Variants in RARB observed in about 807,000 individuals in gnomAD.
The protein encoded by RARB is HBV-activated protein.
In RARB, 17 loss-of-function variants were observed where a neutral mutation model predicts 51.9. The observed-to-expected ratio is 0.33, with a 90% CI of 0.22 to 0.49. The LOEUF (loss-of-function observed/expected upper bound fraction) is 0.49, where lower values mean the gene tolerates loss of function less well. RARB is among the 20% of genes least tolerant of loss of function. The probability of loss-of-function intolerance (pLI) is 0.99; values close to 1 mark genes in which losing one functional copy is unlikely to be tolerated. For missense variants in RARB, 369 were observed against 550.8 expected (o/e 0.67, Z 3.30); for synonymous variants, 215 against 195.4 (o/e 1.10, Z -0.84).
intron 5 of RARB, among the ~76,000 whole-genome samples, chr3:25,325,644 T>A (rs1191856853): frequency 6.6e-6 from 1 of 152,074 alleles, no homozygotes; most frequent in Non-Finnish European, 1.5e-5. Context: ...ACTGCAGTGC[T>A]TACTCGTGCT....
chr3:25,276,397 C>T (rs1021928365), intron 5 of RARB, among the ~76,000 whole-genome samples: 4 of 151,926 alleles, frequency 2.6e-5, no homozygotes, highest in Non-Finnish European at 5.9e-5. Context: ...AAGCATCACA[C>T]GATACTCAAT....
intron 3 of RARB, among the ~76,000 whole-genome samples, chr3:25,069,045 G>T (rs932458113): frequency 5.3e-5 from 8 of 151,204 alleles, no homozygotes; most frequent in Admixed American, 5.3e-4. Flanking sequence ...ACCTCATGAA[G>T]TCAAGACCTC....
chr3:24,964,322 C>T (rs1387817844), intron 2 of RARB, among the ~76,000 whole-genome samples: 2 of 152,100 alleles, frequency 1.3e-5, no homozygotes, highest in African/African-American at 4.8e-5. Context: ...GGAATCTGTT[C>T]ATTGCTAACC....
intron 2 of RARB, among the ~76,000 whole-genome samples, chr3:24,884,555 G>T (rs1575053335): frequency 6.6e-6 from 1 of 152,160 alleles, no homozygotes; most frequent in Admixed American, 6.5e-5. Flanking sequence ...GTAGATTTTG[G>T]CTGGATTTTT....
intron 2 of RARB, among the ~76,000 whole-genome samples, chr3:24,991,292 A>G (rs1696904012): frequency 6.6e-6 from 1 of 152,156 alleles, no homozygotes; most frequent in Non-Finnish European, 1.5e-5. Flanking sequence ...AATACAAAAC[A>G]ATTAGCCAGG....
chr3:25,451,881 T>A (rs887395405), intron 1 of RARB, among the ~76,000 whole-genome samples: 4 of 152,254 alleles, frequency 2.6e-5, no homozygotes, highest in Non-Finnish European at 5.9e-5. Flanking sequence ...TTCGATCAGA[T>A]AAAATAATGT....
intron 3 of RARB, among the ~76,000 whole-genome samples, chr3:25,084,234 G>T (rs1230288286): frequency 6.6e-6 from 1 of 152,056 alleles, no homozygotes; most frequent in Non-Finnish European, 1.5e-5. Flanking sequence ...CCTCTTCTCT[G>T]TGCCACAGTT....
intron 2 of RARB, among the ~76,000 whole-genome samples, chr3:24,889,450 G>A (rs1402807126): frequency 6.6e-6 from 1 of 152,080 alleles, no homozygotes; most frequent in Non-Finnish European, 1.5e-5. Flanking sequence ...TTGTAAAAAG[G>A]AAGAACATCA....
In RARB at chr3:25,460,075, A is replaced by G. The variant is rs558621439; in HGVS notation, c.158-1118A>G. ...GAGGATTATTATTTTTTTAATCTAGAATAAAGAGTAACATGACTTAAAAGT... is the reference window on the plus strand; with the variant it reads ...GAGGATTATTATTTTTTTAATCTAGGATAAAGAGTAACATGACTTAAAAGT... On this transcript the variant is annotated intron_variant, in intron 1 of 7. Transcript: ENST00000330688. 3.0e-4 allele frequency among the ~76,000 whole-genome samples: 46 copies of G among 152,268 alleles called. 1 individual carries two copies. In the South Asian group the frequency reaches 8.1e-3, roughly 27 times the overall value.
At chr3:25,139,916 T>C (rs1358679395) in intron 4 of RARB, among the ~76,000 whole-genome samples, 2 of 152,180 alleles carry the variant, frequency 1.3e-5, no homozygotes, top group South Asian at 2.1e-4. Flanking sequence ...CTGTGCTCTA[T>C]AAGTGGAACA....
At chr3:25,025,761 A>G (rs1477057209) in intron 2 of RARB, among the ~76,000 whole-genome samples, 2 of 152,214 alleles carry the variant, frequency 1.3e-5, no homozygotes, top group East Asian at 3.9e-4. Flanking sequence ...GTGGGTAACT[A>G]AATTCAAACT....
intron 5 of RARB, among the ~76,000 whole-genome samples, chr3:25,180,693 T>C (rs11129189): frequency 0.47 from 72,013 of 152,034 alleles, 17,787 homozygotes; most frequent in East Asian, 0.69. Context: ...TTCTCTGTTT[T>C]CTCCTTTAGT....
intron 5 of RARB, among the ~76,000 whole-genome samples, chr3:25,316,278 G>A (rs933520581): frequency 2.6e-5 from 4 of 152,056 alleles, no homozygotes; most frequent in African/African-American, 9.7e-5. Context: ...AATTGACAGA[G>A]CATGCCAAAG....
exon 5 of RARB, chr3:25,174,552 G>A: frequency 7.4e-7 from 1 of 1,352,094 alleles, no homozygotes; most frequent in Non-Finnish European, 9.8e-7. Flanking sequence ...CCTCCGAGTG[G>A]ATGCAGCACC....
chr3:24,875,561 C>T (rs538538027), intron 2 of RARB, among the ~76,000 whole-genome samples: 155 of 152,166 alleles, frequency 1.0e-3, no homozygotes, highest in Non-Finnish European at 1.9e-3. Context: ...TAAGCAACTC[C>T]AATGTAAGCT....
rs1443160523 is a variant in RARB at position 25,117,331 on chromosome 3, A to G, written c.-327-14830A>G. On this transcript the variant is annotated intron_variant, in intron 3 of 11. Coordinates refer to the RARB transcript ENST00000383772. ...TCCCAAGAGAGGAACATTTAAATTG[A>G]GAACTGAATAAAAGTTCACCAGGAG... 2.0e-5 allele frequency among the ~76,000 whole-genome samples: 3 copies of G among 152,326 alleles called. No homozygotes were observed. The East Asian group carries it at 5.8e-4, about 29-fold the overall frequency.
At position 25,163,312 on chromosome 3, in the gene RARB, T is replaced by A. The variant is rs139582816; in HGVS notation, c.-279-10807T>A. ...TGAGTCTAGGAGTTTGAGACCAGCCTGGGCAACATAGGGAAACCCTGTCTC... is the reference window on the plus strand; with the variant it reads ...TGAGTCTAGGAGTTTGAGACCAGCCAGGGCAACATAGGGAAACCCTGTCTC... On this transcript the variant is annotated intron_variant, in intron 4 of 11. Transcript: ENST00000383772. 4.1e-3 allele frequency among the ~76,000 whole-genome samples: 619 copies of A among 152,076 alleles called. 9 individuals are homozygous for A. Among genetic ancestry groups the A allele is most frequent in the East Asian group, 4.1e-3 (21 of 5,176 alleles).
intron 5 of RARB, among the ~76,000 whole-genome samples, chr3:25,234,263 A>G (rs1467070832): frequency 3.9e-5 from 6 of 152,108 alleles, no homozygotes; most frequent in Admixed American, 3.3e-4. Flanking sequence ...CAAGTTACAC[A>G]TTTCTTCTTG....
At chr3:24,880,875 C>T (rs1344659371) in intron 2 of RARB, among the ~76,000 whole-genome samples, 1 of 152,146 alleles carries the variant, frequency 6.6e-6, no homozygotes. Flanking sequence ...AATTCTTTTT[C>T]CACATTAATG....
Sources: allele counts gnomAD v4.1 joint callset (sites outside exome capture counted in the v4.1 genomes callset), GRCh38; gene constraint gnomAD v4.1.1; transcripts MANE v1.5; gene names NCBI Gene and HGNC (gene_info 2026-07-23, HGNC 2026-07-21).